USP14: variants seen among roughly 807,000 people sequenced by gnomAD.
The protein encoded by USP14 is ubiquitin carboxyl-terminal hydrolase 14.
A neutral mutation model predicts 76.5 loss-of-function variants in USP14; 38 were observed. The ratio of observed to expected loss-of-function variants is 0.50; its 90% CI spans 0.38 to 0.65. USP14 has a LOEUF of 0.65. Ranked by LOEUF, USP14 falls within the 30% of genes least tolerant of loss-of-function variation. The probability of loss-of-function intolerance (pLI) is 0.00; values close to 1 mark genes in which losing one functional copy is unlikely to be tolerated. For synonymous variants in USP14, 192 were observed against 191.7 expected (o/e 1.00, Z -0.01); for missense variants, 467 against 586.5 (o/e 0.80, Z 2.10).
chr18:188,881 G>C (rs759008229), intron 5 of USP14, among the ~76,000 whole-genome samples: 1 of 152,134 alleles, frequency 6.6e-6, no homozygotes, highest in Non-Finnish European at 1.5e-5. Context: ...GTTTCACCAT[G>C]TTGGCCAGGA....
rs1046076097 is a variant in USP14 at position 158,580 on chromosome 18, C to T, written c.-119C>T. The T allele has an allele frequency of 9.3e-6, 10 of 1,080,994 alleles. No homozygotes were observed. The highest frequency in any genetic ancestry group is 3.1e-5 in the South Asian group (2 of 65,120). 67.0% of individuals were successfully genotyped at this position (1,080,994 alleles called of 1,614,324 possible). ...TTGAATGAGACTCGTCGCACCGAAG[C>T]CGCCGCCACCACCGCGCCTCCGCCT... is the stretch of plus-strand genomic sequence containing the variant. On this transcript the variant is annotated 5_prime_UTR_variant, in exon 1 of 16. Coordinates refer to ENST00000261601, the MANE Select transcript of USP14 (RefSeq NM_005151.4).
chr18:211,072 A>G (rs1910656335), intron 15 of USP14, 61 bp from the exon 16 acceptor site: 2 of 1,541,304 alleles, frequency 1.3e-6, no homozygotes, highest in Non-Finnish European at 1.8e-6. Flanking sequence ...CTTTTTTTGC[A>G]GTGGAACTCT....
intron 3 of USP14, among the ~76,000 whole-genome samples, chr18:171,009 TAAAA>T (rs145131497): frequency 4.6e-4 from 42 of 91,716 alleles, no homozygotes; most frequent in East Asian, 1.1e-3. Flanking sequence ...CCCTGGAACT[TAAAA>T]AAAAAAAAAA....
chr18:196,542 G>A, intron 6 of USP14, 95 bp from the exon 7 acceptor site: 1 of 1,382,826 alleles, frequency 7.2e-7, no homozygotes. Context: ...AAAAAATTAA[G>A]TAAGTTTTTG....
chr18:198,001 C>G, intron 8 of USP14, 46 bp from the exon 9 acceptor site: 4 of 1,495,736 alleles, frequency 2.7e-6, no homozygotes, highest in Non-Finnish European at 3.6e-6. Flanking sequence ...AGAAAATCTA[C>G]ATTAATATTT....
chr18:163,602 A>G, intron 2 of USP14, 149 bp downstream of exon 2: 1 of 856,436 alleles, frequency 1.2e-6, no homozygotes, highest in East Asian at 2.7e-5. Flanking sequence ...AAACTGTCTT[A>G]TGCCTGTTAG....
At chr18:190,641 G>T (rs1910060652) in intron 5 of USP14, among the ~76,000 whole-genome samples, 1 of 152,178 alleles carries the variant, frequency 6.6e-6, no homozygotes, top group Non-Finnish European at 1.5e-5. Context: ...ATTTCATAGG[G>T]ACTAGAAAAG....
At chr18:204,517 A>G (rs1465885437) in intron 12 of USP14, 47 bp from the exon 13 acceptor site, 5 of 1,400,472 alleles carry the variant, frequency 3.6e-6, no homozygotes, top group Admixed American at 2.6e-5. Flanking sequence ...TTAAATAAAT[A>G]TCTTTATAAA....
At chr18:160,576 T>TG (rs1379829683) in intron 1 of USP14, among the ~76,000 whole-genome samples, 1 of 152,194 alleles carries the variant, frequency 6.6e-6, no homozygotes, top group East Asian at 1.9e-4. Context: ...TTGTACATAT[T>TG]GCTTTGTTTT....
intron 3 of USP14, among the ~76,000 whole-genome samples, chr18:175,168 A>G (rs149286691): frequency 4.6e-5 from 7 of 152,300 alleles, no homozygotes; most frequent in African/African-American, 1.7e-4. Flanking sequence ...ACTTTATTTC[A>G]TATATTAATT....
At chr18:174,922 T>C (rs1909585463) in intron 3 of USP14, among the ~76,000 whole-genome samples, 1 of 152,042 alleles carries the variant, frequency 6.6e-6, no homozygotes, top group South Asian at 2.1e-4. Context: ...ACTACAGGAA[T>C]GTGCCACCAC....
rs746527769 is a variant in USP14 at position 158,727 on chromosome 18, C to T, written c.16+13C>T. Reference sequence around the variant, plus strand: ...CCGCTCTACTCCGGTGAGCCCTGTCCTGGCCTCGCGCGCAGCACACCGGAC... The same window carrying T: ...CCGCTCTACTCCGGTGAGCCCTGTCTTGGCCTCGCGCGCAGCACACCGGAC... On this transcript the variant is annotated intron_variant, in intron 1 of 15. Coordinates refer to ENST00000261601, the MANE Select transcript of USP14 (RefSeq NM_005151.4). The T allele has an allele frequency of 6.6e-7, 1 of 1,508,024 alleles. No homozygotes were observed. The highest frequency in any genetic ancestry group is 2.1e-5 in the Admixed American group (1 of 47,900). 93.4% of individuals were successfully genotyped at this position (1,508,024 alleles called of 1,614,324 possible). A position where few individuals can be genotyped will look rare whatever the true frequency, so the allele number is the denominator to read the frequency against.
intron 6 of USP14, among the ~76,000 whole-genome samples, chr18:193,908 G>A (rs1359899711): frequency 6.6e-6 from 1 of 152,178 alleles, no homozygotes; most frequent in East Asian, 1.9e-4. Context: ...ACAAGTCTTG[G>A]TGTGGACAAA....
Position 213,174 on chromosome 18 carries a change from C to A in USP14, c.*1890C>A, listed in dbSNP as rs1910720926. 1 of 152,072 alleles carries A rather than the reference C, an allele frequency of 6.6e-6. No homozygotes were observed. The highest frequency in any genetic ancestry group is 2.1e-4 in the South Asian group (1 of 4,828). The allele number at this position is 152,072 out of a possible 1,614,324, so 9.4% of individuals were successfully genotyped here. ...GCAAAGTCTTTTTTATTCATTGTCT[C>A]ATTTGGTCAGAACAATTTTATTGAG... On this transcript the variant is annotated 3_prime_UTR_variant, in exon 16 of 16. Coordinates refer to ENST00000261601, the MANE Select transcript of USP14 (RefSeq NM_005151.4).
intron 10 of USP14, among the ~76,000 whole-genome samples, chr18:199,650 G>C (rs1910334736): frequency 6.6e-6 from 1 of 152,188 alleles, no homozygotes; most frequent in Admixed American, 6.5e-5. Flanking sequence ...GGAAGGCTGT[G>C]ATGTGCCTTA....
At chr18:192,543 C>T (rs77935765) in intron 5 of USP14, among the ~76,000 whole-genome samples, 9,482 of 151,880 alleles carry the variant, frequency 0.062, 677 homozygotes, top group East Asian at 0.31. Flanking sequence ...CCAACCTGGG[C>T]GACAAGAGCA....
chr18:179,670 C>G (rs971614479), intron 4 of USP14, among the ~76,000 whole-genome samples: 1 of 149,958 alleles, frequency 6.7e-6, no homozygotes, highest in Non-Finnish European at 1.5e-5. Context: ...TCACTGTAAC[C>G]TCAACTTCCT....
chr18:199,230 G>A lies in USP14; in HGVS notation c.790G>A (p.Glu264Lys). 1 of 1,613,788 alleles carries A rather than the reference G, an allele frequency of 6.2e-7. No homozygotes were observed. ...GAAATGTACAGAATCTGAAGAAGAA[G>A]AAGTCACCAAAGGAAAGGAAAATCA... ...TMKCTESEEE[E>K]VTKGKENQLQ... The change falls in exon 10 of 16, where the codon GAA (glutamate) becomes AAA (lysine). Residue 264 changes from glutamate (E) to lysine (K), a missense_variant. Glu to Lys is a moderately conservative substitution (Grantham distance 56). Coordinates refer to ENST00000261601, the MANE Select transcript of USP14 (RefSeq NM_005151.4).
chr18:166,625 G>A (rs1909279302), intron 2 of USP14, among the ~76,000 whole-genome samples, 162 bp from the exon 3 acceptor site: 1 of 152,032 alleles, frequency 6.6e-6, no homozygotes, highest in Non-Finnish European at 1.5e-5. Context: ...GAGCCACTGT[G>A]CCTGGCCAAA....
Sources: gnomAD v4.1 joint callset for allele counts (sites outside exome capture counted in the v4.1 genomes callset) on GRCh38, gnomAD v4.1.1 for gene constraint, MANE v1.5 for transcripts, NCBI Gene and HGNC (gene_info 2026-07-23, HGNC 2026-07-21) for gene names.